The following DMD variants were observed in gnomAD, a reference collection of about 807,000 sequenced individuals.
DMD encodes mutant dystrophin.
A neutral mutation model predicts 330.1 loss-of-function variants in DMD; 63 were observed. That is an observed-to-expected ratio of 0.19 (90% CI 0.16 to 0.24). The LOEUF (loss-of-function observed/expected upper bound fraction) is 0.24. DMD is among the 10% of genes least tolerant of loss of function. DMD has a pLI of 1.00. For synonymous variants in DMD, 1,223 were observed against 959.8 expected, an observed-to-expected ratio of 1.27 and a Z score of -5.07; for missense variants, 3,344 against 2,684.1, an observed-to-expected ratio of 1.25 and a Z score of -5.43.
intron 43 of DMD, among the ~76,000 whole-genome samples, chrX:32,270,119 G>A (rs748091461): frequency 2.5e-4 from 28 of 112,130 alleles, no homozygotes; most frequent in Non-Finnish European, 5.6e-5. Flanking sequence ...GTAGTTTTGA[G>A]CAGCAGACAG....
At chrX:31,722,362 C>T (rs1453309377) in intron 52 of DMD, among the ~76,000 whole-genome samples, 1 of 110,431 alleles carries the variant, frequency 9.1e-6, no homozygotes, top group Non-Finnish European at 1.9e-5. Flanking sequence ...CTCAGGTGAT[C>T]CATCGCTTCA....
In DMD at chrX:32,727,265, C is replaced by G. The variant is rs761444353; in HGVS notation, c.650-27972G>C. ...GATTGGCTTAGATTACACATTGTGTCTTATGTTCGCACACATTATCTCATT... is the reference window on the plus strand; with the variant it reads ...GATTGGCTTAGATTACACATTGTGTGTTATGTTCGCACACATTATCTCATT... On this transcript the variant is annotated intron_variant, in intron 7 of 78. Transcript: ENST00000357033. 5.4e-5 allele frequency among the ~76,000 whole-genome samples: 6 copies of G among 111,242 alleles called. No homozygotes were observed. The East Asian group carries it at 1.7e-3, about 31-fold the overall frequency.
intron 7 of DMD, 52 bp from the exon 8 acceptor site, chrX:32,699,345 T>A (rs997997489): frequency 1.0e-6 from 1 of 958,866 alleles, no homozygotes; most frequent in African/African-American, 1.9e-5. Flanking sequence ...TATTTGAGAC[T>A]CTAAAAGGAT....
chrX:33,033,206 C>T (rs867941507), intron 1 of DMD, among the ~76,000 whole-genome samples: 4 of 110,513 alleles, frequency 3.6e-5, no homozygotes, highest in Middle Eastern at 4.2e-3. Context: ...TGGTTAACGA[C>T]TGCTTCTTCC....
rs2097671157 is a variant in DMD at position 32,329,967 on chromosome X, T to G, written c.5922+12133A>C. On this transcript the variant is annotated intron_variant, in intron 41 of 78. Coordinates refer to ENST00000357033, the MANE Select transcript of DMD (RefSeq NM_004006.3). The stretch of plus-strand genomic sequence containing the variant: ...TGGATTAGTCACCACTAAATATAGC[T>G]TTCCTCTGTTTTACATGCGTTAAAA... 2.7e-5 allele frequency among the ~76,000 whole-genome samples: 3 copies of G among 112,383 alleles called. No individual in the cohort carries two copies. In the South Asian group the frequency reaches 1.1e-3, roughly 41 times the overall value.
chrX:33,268,907 CAAAAAAAAA>C (rs202219233), intron 1 of DMD, among the ~76,000 whole-genome samples: 85 of 43,314 alleles, frequency 2.0e-3, no homozygotes, highest in African/African-American at 4.7e-3. Context: ...GCCTGGGTGA[CAAAAAAAAA>C]AAAAAAAAAA....
intron 12 of DMD, among the ~76,000 whole-genome samples, chrX:32,604,553 G>A (rs1318798532): frequency 1.8e-5 from 2 of 110,147 alleles, no homozygotes; most frequent in South Asian, 7.8e-4. Context: ...GTCCTAGCTA[G>A]AGCAATCAGG....
chrX:32,193,048 C>T (rs1318999399), intron 44 of DMD, among the ~76,000 whole-genome samples: 1 of 111,340 alleles, frequency 9.0e-6, no homozygotes, highest in Non-Finnish European at 1.9e-5. Flanking sequence ...AGTGAGTTCT[C>T]TGAGATCTGG....
intron 1 of DMD, among the ~76,000 whole-genome samples, chrX:33,029,878 G>C (rs746437777): frequency 9.0e-6 from 1 of 111,621 alleles, no homozygotes; most frequent in East Asian, 2.8e-4. Flanking sequence ...AGTGCCATCT[G>C]GTAGATTGTG....
intron 63 of DMD, among the ~76,000 whole-genome samples, chrX:31,233,928 C>A (rs1569491018): frequency 9.0e-6 from 1 of 111,729 alleles, no homozygotes; most frequent in East Asian, 2.8e-4. Context: ...AGTTTGGGCT[C>A]ACATAATGGT....
At chrX:31,343,636 AGAGT>A (rs1321158107) in intron 61 of DMD, among the ~76,000 whole-genome samples, 37 of 108,555 alleles carry the variant, frequency 3.4e-4, no homozygotes, top group African/African-American at 1.1e-3. Flanking sequence ...AGAGAGAGAG[AGAGT>A]GCACACACGT....
intron 1 of DMD, among the ~76,000 whole-genome samples, chrX:33,086,899 A>AT (rs2095015632): frequency 4.5e-5 from 5 of 110,321 alleles, no homozygotes; most frequent in African/African-American, 1.6e-4. Flanking sequence ...CATTTTATGT[A>AT]TTTTTTTATT....
chrX:32,680,747 T>TC (rs758390195), intron 9 of DMD, among the ~76,000 whole-genome samples: 7 of 110,277 alleles, frequency 6.3e-5, no homozygotes, highest in African/African-American at 2.3e-4. Flanking sequence ...GCTGTCTCTC[T>TC]CCCCCCATCA....
chrX:31,869,004 T>C (rs954680627), intron 48 of DMD, among the ~76,000 whole-genome samples: 1 of 87,407 alleles, frequency 1.1e-5, no homozygotes, highest in African/African-American at 4.7e-5. Flanking sequence ...AAGTTTCCTC[T>C]CACCTTATGT....
At chrX:32,686,214 G>C (rs1015749931) in intron 9 of DMD, among the ~76,000 whole-genome samples, 2 of 111,514 alleles carry the variant, frequency 1.8e-5, no homozygotes, top group African/African-American at 6.5e-5. Context: ...GAATTCTATA[G>C]CAGGGATTAA....
chrX:33,031,368 G>A (rs2094110225), intron 1 of DMD, among the ~76,000 whole-genome samples: 2 of 111,006 alleles, frequency 1.8e-5, no homozygotes, highest in South Asian at 7.6e-4. Flanking sequence ...ATTGTTGCAT[G>A]GGATATGTAA....
chrX:32,511,014 A>G (rs5972591), intron 18 of DMD, among the ~76,000 whole-genome samples: 1 of 109,807 alleles, frequency 9.1e-6, no homozygotes, highest in East Asian at 2.9e-4. Flanking sequence ...ATACACATAC[A>G]TACTGTATAT....
chrX:32,080,640 C>T (rs973005767), intron 44 of DMD, among the ~76,000 whole-genome samples: 2 of 111,719 alleles, frequency 1.8e-5, no homozygotes, highest in African/African-American at 6.5e-5. Context: ...GAAGAATGAA[C>T]GGCTTGACTA....
chrX:31,271,609 C>T (rs1256408943), intron 62 of DMD, among the ~76,000 whole-genome samples: 2 of 111,763 alleles, frequency 1.8e-5, no homozygotes, highest in Non-Finnish European at 3.8e-5. Context: ...TTCAGCTTCT[C>T]TCTATCTATA....
Sources: gnomAD v4.1 joint callset for allele counts (sites outside exome capture counted in the v4.1 genomes callset) on GRCh38, gnomAD v4.1.1 for gene constraint, MANE v1.5 for transcripts, NCBI Gene and HGNC (gene_info 2026-07-23, HGNC 2026-07-21) for gene names.